Variants in MCM5 observed in about 807,000 individuals in gnomAD.
The protein encoded by MCM5 is DNA replication licensing factor MCM5.
MCM5 carries 46 observed loss-of-function variants against 79.9 expected under a neutral mutation model. The observed-to-expected ratio is 0.58, with a 90% CI of 0.45 to 0.74. MCM5 has a LOEUF of 0.74. MCM5 is among the 30% of genes least tolerant of loss of function. The pLI, the probability that MCM5 is intolerant of heterozygous loss-of-function variation, is 0.00. For missense variants in MCM5, 883 were observed against 1,017.0 expected (o/e 0.87, Z 1.79); for synonymous variants, 404 against 390.5 (o/e 1.03, Z -0.41).
chr22:35,410,356 C>T lies in MCM5; in HGVS notation c.753-388C>T, dbSNP rs1932340834. The T allele has an allele frequency of 1.3e-5, 3 of 229,770 alleles. No homozygotes were observed. The South Asian group carries it at 1.6e-4, about 12-fold the overall frequency. 14.2% of individuals were successfully genotyped at this position (229,770 alleles called of 1,614,324 possible). A position where few individuals can be genotyped will look rare whatever the true frequency, so the allele number is the denominator to read the frequency against. On this transcript the variant is annotated intron_variant, in intron 6 of 16. Coordinates refer to ENST00000216122, the MANE Select transcript of MCM5 (RefSeq NM_006739.4). ...GGGGGGCGTGAAGAGGAAGTCTTGCCCTGAGAGGCTAAAGGGCACCACACA... is the reference window on the plus strand; with the variant it reads ...GGGGGGCGTGAAGAGGAAGTCTTGCTCTGAGAGGCTAAAGGGCACCACACA...
chr22:35,454,437 G>A, the MCM5 span, among the ~76,000 whole-genome samples: 9 of 152,182 alleles, frequency 5.9e-5, no homozygotes, highest in African/African-American at 1.9e-4. Context: ...GGCGGGGGCA[G>A]TAGGAGCTTT....
the MCM5 span, among the ~76,000 whole-genome samples, chr22:35,447,009 G>A: frequency 5.3e-5 from 8 of 152,304 alleles, no homozygotes; most frequent in African/African-American, 1.9e-4. Context: ...CCCCGACTCC[G>A]GGCAGCGGTC....
chr22:35,424,318 C>A lies in MCM5; in HGVS notation c.*63C>A. Reference sequence around the variant, plus strand: ...CCTCGCCCCTCCTGCCGCTGCCTGCCATTGACAATGTTGCTGGGACCTCTG... The same window carrying A: ...CCTCGCCCCTCCTGCCGCTGCCTGCAATTGACAATGTTGCTGGGACCTCTG... On this transcript the variant is annotated 3_prime_UTR_variant, in exon 17 of 17. Transcript: ENST00000216122. 8.1e-7 allele frequency: 1 copy of A among 1,232,074 alleles called. No homozygotes were observed. 76.3% of individuals were successfully genotyped at this position (1,232,074 alleles called of 1,614,324 possible). A position where few individuals can be genotyped will look rare whatever the true frequency, so the allele number is the denominator to read the frequency against.
At chr22:35,411,481 C>T in intron 7 of MCM5, 1 of 153,508 alleles carries the variant, frequency 6.5e-6, no homozygotes, top group Non-Finnish European at 1.4e-5. Flanking sequence ...CAGGTGAAAA[C>T]CCCGGCCTGG....
chr22:35,442,312 T>A, the MCM5 span, among the ~76,000 whole-genome samples: 2 of 150,190 alleles, frequency 1.3e-5, no homozygotes, highest in Non-Finnish European at 2.9e-5. Context: ...CTCTTCGGCC[T>A]AGGGGGCCGA....
At chr22:35,408,222 T>C (rs1463545991) in intron 5 of MCM5, among the ~76,000 whole-genome samples, 186 bp from the exon 6 acceptor site, 2 of 152,178 alleles carry the variant, frequency 1.3e-5, no homozygotes, top group African/African-American at 4.8e-5. Flanking sequence ...CAGTGCTAGG[T>C]CCGTCAGTGT....
intron 15 of MCM5, chr22:35,422,642 G>C (rs1403722075): frequency 6.6e-6 from 1 of 152,206 alleles, no homozygotes; most frequent in African/African-American, 2.4e-5. Flanking sequence ...GGGTCTTATG[G>C]GCTATGTAGG....
Position 35,416,325 on chromosome 22 carries a change from T to A in MCM5, c.1348-14T>A. 6.2e-7 allele frequency: 1 copy of A among 1,613,368 alleles called. No individual in the cohort carries two copies. ...TTCAGTAGGTCTGATGATATTTCTC[T>A]CTTCCCCACTTAGATGCGAGAAGAT... On this transcript the variant is annotated splice_polypyrimidine_tract_variant and intron_variant, in intron 10 of 16. Coordinates refer to ENST00000216122, the MANE Select transcript of MCM5 (RefSeq NM_006739.4).
At chr22:35,420,146 C>A in intron 14 of MCM5, 134 bp downstream of exon 14, 2 of 1,055,620 alleles carry the variant, frequency 1.9e-6, no homozygotes, top group Non-Finnish European at 2.6e-6. Context: ...CAGGAAGAGT[C>A]CCTTTGGAGC....
intron 4 of MCM5, among the ~76,000 whole-genome samples, chr22:35,405,531 T>C (rs1310455202): frequency 6.7e-6 from 1 of 149,140 alleles, no homozygotes; most frequent in Non-Finnish European, 1.5e-5. Flanking sequence ...CACACCTGGC[T>C]AATTTTTGTA....
chr22:35,416,805 G>C lies in MCM5; in HGVS notation c.1581G>C (p.Glu527Asp), dbSNP rs753514262. 5 of 1,613,886 alleles carry C rather than the reference G, an allele frequency of 3.1e-6. No individual in the cohort carries two copies. The highest frequency in any genetic ancestry group is 3.4e-6 in the Non-Finnish European group (4 of 1,180,000). Residue 527 changes from glutamate to aspartate, a missense_variant, in exon 12 of 17, where the codon GAG becomes GAC. Physicochemically the swap from Glu to Asp is conservative, Grantham distance 45. Coordinates refer to ENST00000216122, the MANE Select transcript of MCM5 (RefSeq NM_006739.4). ...IFIVKDEHNE[E>D]RDVMLAKHVI... ...TCGTCAAGGATGAGCACAATGAGGA[G>C]AGGGATGTGGTACGTCCAGGGGCAG...
At position 35,400,539 on chromosome 22, in the gene MCM5, G is replaced by T. The variant is rs1016247988; in HGVS notation, c.101G>T (p.Arg34Leu). The T allele has an allele frequency of 1.9e-6, 3 of 1,613,936 alleles. No homozygotes were observed. Among genetic ancestry groups the T allele is most frequent in the Non-Finnish European group, 2.5e-6 (3 of 1,179,992 alleles). ...GCCCGCAAATCGCAGCTGCAGAGGC[G>T]CTTCAAGGAGTTCCTGCGGCAGTAC... The part of the protein sequence containing the change: ...GQARKSQLQR[R>L]FKEFLRQYRV... The change falls in exon 2 of 17, where the codon CGC becomes CTC. Residue 34 changes from arginine (R) to leucine (L), a missense_variant. By Grantham distance (102) the Arg-to-Leu change is moderately radical (BLOSUM62 -2). Coordinates refer to ENST00000216122, the MANE Select transcript of MCM5 (RefSeq NM_006739.4).
At chr22:35,407,731 C>G (rs1932258652) in intron 5 of MCM5, among the ~76,000 whole-genome samples, 2 of 152,200 alleles carry the variant, frequency 1.3e-5, no homozygotes, top group Admixed American at 6.5e-5. Context: ...TGTGCACGTA[C>G]CTCGTCTCTC....
the MCM5 span, among the ~76,000 whole-genome samples, chr22:35,436,491 C>A: frequency 1.3e-5 from 2 of 152,178 alleles, no homozygotes; most frequent in African/African-American, 2.4e-5. Flanking sequence ...CACCTGGGGG[C>A]TTCACGTTTT....
the MCM5 span, among the ~76,000 whole-genome samples, chr22:35,439,002 TCCA>T: frequency 1.3e-5 from 2 of 148,372 alleles, no homozygotes; most frequent in African/African-American, 2.5e-5. Flanking sequence ...TATTCATCCA[TCCA>T]TCCATCCATC....
rs1476997131 is a variant in MCM5 at position 35,410,751 on chromosome 22, T to A, written c.760T>A (p.Cys254Ser). ...CCTCTACCCTCCTCTCAGGTACCTG[T>A]GTGACAAGGTCGTCCCTGGGAACAG... is the stretch of plus-strand genomic sequence containing the variant. ...HMQLYCDRYLCDKVVPGNRVT... is the reference protein window; with the variant it reads ...HMQLYCDRYLSDKVVPGNRVT... Residue 254 changes from cysteine to serine, a missense_variant, in exon 7 of 17, where the codon TGT (cysteine) becomes AGT (serine). Transcript: ENST00000216122. The A allele has an allele frequency of 1.2e-6, 2 of 1,613,838 alleles. No individual in the cohort carries two copies. Among genetic ancestry groups the A allele is most frequent in the African/African-American group, 2.7e-5 (2 of 74,896 alleles).
At chr22:35,421,809 C>T in intron 15 of MCM5, 1 of 355,876 alleles carries the variant, frequency 2.8e-6, no homozygotes, top group South Asian at 2.2e-5. Flanking sequence ...TTGCATTTTG[C>T]CTTACAGCTG....
chr22:35,410,245 G>T (rs133415), intron 6 of MCM5: 30,032 of 164,760 alleles, frequency 0.18, 3,253 homozygotes, highest in African/African-American at 0.3. Context: ...ATCTCATTTT[G>T]AAAACAGGAA....
chr22:35,405,349 T>G (rs4645755), intron 4 of MCM5, among the ~76,000 whole-genome samples: 86,073 of 151,598 alleles, frequency 0.57, 24,764 homozygotes, highest in Middle Eastern at 0.61. Flanking sequence ...GAACTATTTC[T>G]CCATGTATCT....
Sources: allele counts gnomAD v4.1 joint callset (sites outside exome capture counted in the v4.1 genomes callset), GRCh38; gene constraint gnomAD v4.1.1; transcripts MANE v1.5; gene names NCBI Gene and HGNC (gene_info 2026-07-23, HGNC 2026-07-21).